The following PWWP3B variants were observed in gnomAD, a reference collection of about 807,000 sequenced individuals.
PWWP3B encodes PWWP domain-containing DNA repair factor 3B.
Under a neutral mutation model 15.7 loss-of-function variants are expected in PWWP3B, and 5 were observed. The ratio of observed to expected loss-of-function variants is 0.32; its 90% confidence interval spans 0.17 to 0.67. The LOEUF (loss-of-function observed/expected upper bound fraction) is 0.67, where lower values mean the gene tolerates loss of function less well. Ranked by LOEUF, PWWP3B falls within the 30% of genes least tolerant of loss-of-function variation. The probability of loss-of-function intolerance (pLI) is 0.74; values close to 1 mark genes in which losing one functional copy is unlikely to be tolerated. For synonymous variants in PWWP3B, 203 were observed against 179.8 expected, an observed-to-expected ratio of 1.13 and a Z score of -1.03; for missense variants, 519 against 493.1, an observed-to-expected ratio of 1.05 and a Z score of -0.50.
chrX:106,179,627 T>G (rs989289859), intron 2 of PWWP3B, among the ~76,000 whole-genome samples: 3 of 111,440 alleles, frequency 2.7e-5, no homozygotes, highest in African/African-American at 9.8e-5. Flanking sequence ...ACCACAAAAG[T>G]GCCAAGCAGG....
chrX:106,189,778 C>T (rs1187482821), intron 2 of PWWP3B, among the ~76,000 whole-genome samples: 7 of 109,041 alleles, frequency 6.4e-5, no homozygotes, highest in African/African-American at 1.0e-4. Context: ...CTACCACGCC[C>T]GGCTAATTTT....
At chrX:106,181,287 C>T (rs1244375707) in intron 2 of PWWP3B, among the ~76,000 whole-genome samples, 1 of 111,765 alleles carries the variant, frequency 8.9e-6, no homozygotes, top group Non-Finnish European at 1.9e-5. Context: ...TGGGTTGCCA[C>T]TGCTGGCTGG....
intron 2 of PWWP3B, among the ~76,000 whole-genome samples, chrX:106,187,921 C>T (rs1922617614): frequency 8.9e-6 from 1 of 111,962 alleles, no homozygotes; most frequent in Non-Finnish European, 1.9e-5. Context: ...TACTCAGCTT[C>T]TGCTTTTAAC....
At chrX:106,174,645 A>T (rs947308331) in intron 2 of PWWP3B, among the ~76,000 whole-genome samples, 3 of 111,715 alleles carry the variant, frequency 2.7e-5, no homozygotes, top group Non-Finnish European at 5.6e-5. Context: ...TCCAGGAATC[A>T]CCATATCTGA....
In PWWP3B at chrX:106,193,402, C is replaced by T. The variant is rs185390466; in HGVS notation, c.-400-10583C>T. Among the ~76,000 whole-genome samples the T allele has an allele frequency of 5.4e-5, 6 of 111,637 alleles. No individual in the cohort carries two copies. In the East Asian group the frequency reaches 1.7e-3, roughly 32 times the overall value. On this transcript the variant is annotated intron_variant, in intron 2 of 3. Coordinates refer to ENST00000357175, the MANE Select transcript of PWWP3B (RefSeq NM_001171020.2). ...TTTTCCATTTGCTTTGTAGATCTTC[C>T]TCCATCCCTTTATTTTGAGCCTATG...
At chrX:106,178,511 G>A (rs2147590248) in intron 2 of PWWP3B, among the ~76,000 whole-genome samples, 1 of 112,275 alleles carries the variant, frequency 8.9e-6, no homozygotes, top group East Asian at 2.8e-4. Flanking sequence ...AATTATTTGT[G>A]CAGTTGAAGA....
chrX:106,196,120 A>G (rs1440304099), intron 2 of PWWP3B, among the ~76,000 whole-genome samples: 1 of 111,698 alleles, frequency 9.0e-6, no homozygotes, highest in Non-Finnish European at 1.9e-5. Flanking sequence ...ATTATTTTAT[A>G]TTGACTTTGT....
chrX:106,177,215 C>T (rs1921944933), intron 2 of PWWP3B: 1 of 112,816 alleles, frequency 8.9e-6, no homozygotes, highest in Admixed American at 9.4e-5. Context: ...TGATCCTCTT[C>T]CCTTTGAGGG....
intron 2 of PWWP3B, among the ~76,000 whole-genome samples, chrX:106,191,248 A>T (rs1286798446): frequency 9.0e-6 from 1 of 110,904 alleles, no homozygotes; most frequent in African/African-American, 3.3e-5. Context: ...TTCTCCTTGA[A>T]GAGGTCCTTC....
chrX:106,171,617 C>T (rs1244454466), intron 2 of PWWP3B, among the ~76,000 whole-genome samples: 1 of 111,514 alleles, frequency 9.0e-6, no homozygotes, highest in Non-Finnish European at 1.9e-5. Flanking sequence ...GCGATTTTAT[C>T]TGAGAACATT....
At chrX:106,169,454 G>A (rs974215321) in intron 1 of PWWP3B, among the ~76,000 whole-genome samples, 3 of 111,558 alleles carry the variant, frequency 2.7e-5, no homozygotes, top group Non-Finnish European at 5.7e-5. Flanking sequence ...TTTTGGAAAC[G>A]ATAATGGAGC....
chrX:106,172,508 A>G (rs766690674), intron 2 of PWWP3B, among the ~76,000 whole-genome samples: 207 of 109,739 alleles, frequency 1.9e-3, no homozygotes, highest in African/African-American at 6.7e-3. Context: ...ACCAACACAC[A>G]TATTAGCCTA....
At chrX:106,186,873 G>A (rs1251605090) in intron 2 of PWWP3B, among the ~76,000 whole-genome samples, 1 of 111,840 alleles carries the variant, frequency 8.9e-6, no homozygotes, top group African/African-American at 3.3e-5. Flanking sequence ...GCCGATTGGT[G>A]CATTTACAAT....
chrX:106,190,206 T>C (rs1922833224), intron 2 of PWWP3B, among the ~76,000 whole-genome samples: 1 of 111,766 alleles, frequency 8.9e-6, no homozygotes, highest in Non-Finnish European at 1.9e-5. Flanking sequence ...CCAGCACCTG[T>C]TGTTTCCTGA....
At chrX:106,190,426 T>C (rs1319009887) in intron 2 of PWWP3B, among the ~76,000 whole-genome samples, 1 of 111,899 alleles carries the variant, frequency 8.9e-6, no homozygotes, top group Non-Finnish European at 1.9e-5. Flanking sequence ...TTGAGTTCAT[T>C]GTAGATTCTG....
chrX:106,205,726 T>C lies in PWWP3B; in HGVS notation c.294T>C (p.Asn98=), dbSNP rs747307112. 4.1e-6 allele frequency: 5 copies of C among 1,210,119 alleles called. No homozygotes were observed. The highest frequency in any genetic ancestry group is 3.5e-5 in the African/African-American group (2 of 57,261). The change falls in exon 4 of 4, where the codon AAT becomes AAC. Residue 98 remains asparagine, a synonymous_variant. Transcript: ENST00000357175. ...RSLKVALGIL[N]ERTNLSQAST... is the part of the protein sequence containing the mutation. Reference sequence around the variant, plus strand: ...TAAAAGTGGCACTGGGTATTCTGAATGAGAGAACAAATTTGAGTCAAGCAA... The same window carrying C: ...TAAAAGTGGCACTGGGTATTCTGAACGAGAGAACAAATTTGAGTCAAGCAA...
At chrX:106,204,881 A>G (rs1341070761) in intron 3 of PWWP3B, among the ~76,000 whole-genome samples, 1 of 111,607 alleles carries the variant, frequency 9.0e-6, no homozygotes, top group Admixed American at 9.5e-5. Context: ...TAAGTATGAC[A>G]TTAGGGACAC....
chrX:106,176,620 C>T (rs1004277059), intron 2 of PWWP3B, among the ~76,000 whole-genome samples: 2 of 112,040 alleles, frequency 1.8e-5, no homozygotes, highest in African/African-American at 6.5e-5. Context: ...GATATTTTTG[C>T]GTTGAAAACA....
chrX:106,181,469 T>C (rs1410661658), intron 2 of PWWP3B, among the ~76,000 whole-genome samples: 1 of 111,829 alleles, frequency 8.9e-6, no homozygotes, highest in Non-Finnish European at 1.9e-5. Context: ...TTGGTGCATT[T>C]TTATAGAGTG....
Sources: gnomAD v4.1 joint callset for allele counts (sites outside exome capture counted in the v4.1 genomes callset) on GRCh38, gnomAD v4.1.1 for gene constraint, MANE v1.5 for transcripts, NCBI Gene and HGNC (gene_info 2026-07-23, HGNC 2026-07-21) for gene names.